The following PTK2 variants were observed in gnomAD, a reference collection of about 807,000 sequenced individuals.
PTK2 encodes focal adhesion kinase 1.
A neutral mutation model predicts 150.1 loss-of-function variants in PTK2; 45 were observed. The ratio of observed to expected loss-of-function variants is 0.30; its 90% CI spans 0.24 to 0.38. The LOEUF (loss-of-function observed/expected upper bound fraction) is 0.38, where lower values mean the gene tolerates loss of function less well. PTK2 is among the 10% of genes least tolerant of loss of function. The pLI is 1.00. For synonymous variants in PTK2, 432 were observed against 449.2 expected (o/e 0.96, Z 0.48); for missense variants, 919 against 1,307.3 (o/e 0.70, Z 4.58).
intron 2 of PTK2, among the ~76,000 whole-genome samples, chr8:140,913,715 G>T (rs571976275): frequency 6.6e-6 from 1 of 151,996 alleles, no homozygotes; most frequent in Admixed American, 6.6e-5. Context: ...TTAAATAACT[G>T]GATATACAAT....
intron 1 of PTK2, among the ~76,000 whole-genome samples, chr8:140,942,884 G>T (rs1278115862): frequency 4.6e-5 from 7 of 152,100 alleles, no homozygotes; most frequent in Admixed American, 4.6e-4. Flanking sequence ...CCTCATGAAT[G>T]GCTTAGTGCC....
At chr8:140,720,430 G>A (rs1237015111) in intron 22 of PTK2, among the ~76,000 whole-genome samples, 5 of 151,616 alleles carry the variant, frequency 3.3e-5, no homozygotes, top group South Asian at 4.1e-4. Context: ...AAAAAAAACC[G>A]GATGGGAAAA....
chr8:140,668,559 A>T, intron 29 of PTK2, 135 bp from the exon 34 acceptor site: 1 of 989,146 alleles, frequency 1.0e-6, no homozygotes, highest in Non-Finnish European at 1.5e-6. Context: ...TGTGTGCGGG[A>T]TATAGTTCAG....
chr8:140,726,643 C>T (rs943129837), intron 22 of PTK2, among the ~76,000 whole-genome samples: 3 of 152,020 alleles, frequency 2.0e-5, no homozygotes, highest in African/African-American at 7.2e-5. Flanking sequence ...CTCTGTCAAC[C>T]CAAAATTCCT....
chr8:140,912,960 A>G (rs1397670892), intron 2 of PTK2, among the ~76,000 whole-genome samples: 1 of 152,108 alleles, frequency 6.6e-6, no homozygotes, highest in African/African-American at 2.4e-5. Context: ...AAAAGAAAAA[A>G]GAAAAAGGAT....
rs375022117 is a variant in PTK2, at chr8:140,694,071, C to T, written c.2499+6820G>A. On this transcript the variant is annotated intron_variant, in intron 26 of 31. Transcript: ENST00000522684. Reference sequence around the variant, plus strand: ...TTTTTTTTTTTTTGAGATGGAGTCTCGCTCTGTCGCCCAGGCTGGAGTGCA... The same window carrying T: ...TTTTTTTTTTTTTGAGATGGAGTCTTGCTCTGTCGCCCAGGCTGGAGTGCA... 5.8e-4 allele frequency among the ~76,000 whole-genome samples: 85 copies of T among 145,600 alleles called. No individual in the cohort carries two copies. In the East Asian group the frequency reaches 0.011, roughly 19 times the overall value.
intron 26 of PTK2, among the ~76,000 whole-genome samples, chr8:140,693,564 TAAAAAAAAAAAAAAAAAAAAAAA>T (rs377205785): frequency 1.7e-4 from 12 of 72,458 alleles, no homozygotes; most frequent in African/African-American, 5.4e-4. Flanking sequence ...TTGTCTCAAT[TAAAAAAAAAAAAAAAAAAAAAAA>T]AAAAAAAAAA....
At chr8:140,977,012 AAAAT>A (rs1206994780) in intron 1 of PTK2, among the ~76,000 whole-genome samples, 2 of 152,250 alleles carry the variant, frequency 1.3e-5, no homozygotes, top group Non-Finnish European at 2.9e-5. Flanking sequence ...CAAACACTTT[AAAAT>A]AAATCATGAA....
chr8:140,796,382 G>A (rs577770127), intron 12 of PTK2, among the ~76,000 whole-genome samples: 1 of 152,230 alleles, frequency 6.6e-6, no homozygotes, highest in Admixed American at 6.5e-5. Flanking sequence ...AGTCCTGATA[G>A]TTACGTTTAT....
At chr8:140,703,870 G>A (rs1036450944) in intron 24 of PTK2, among the ~76,000 whole-genome samples, 2 of 152,172 alleles carry the variant, frequency 1.3e-5, no homozygotes, top group African/African-American at 4.8e-5. Flanking sequence ...TATGGTGGGT[G>A]TTGTCAGTTA....
intron 1 of PTK2, among the ~76,000 whole-genome samples, chr8:140,933,249 A>T (rs1269273364): frequency 1.3e-5 from 2 of 152,150 alleles, no homozygotes; most frequent in Non-Finnish European, 2.9e-5. Flanking sequence ...AGCTGGCAAT[A>T]GAAGAGCATT....
At position 140,973,261 on chromosome 8, in the gene PTK2, G is replaced by A. The variant is rs112319884; in HGVS notation, c.-122+27864C>T. On this transcript the variant is annotated intron_variant, in intron 1 of 31. Coordinates refer to ENST00000522684, the Ensembl canonical transcript of PTK2. Reference sequence around the variant, plus strand: ...TCTTTAAGCTCTTGGAAGCTCGTCCGATAAAGCTGTCTTTGTTTACCTGGG... The same window carrying A: ...TCTTTAAGCTCTTGGAAGCTCGTCCAATAAAGCTGTCTTTGTTTACCTGGG... Among the ~76,000 whole-genome samples, 22 of 152,276 alleles carry A rather than the reference G, an allele frequency of 1.4e-4. 2 individuals are homozygous for A. Among genetic ancestry groups the A allele is most frequent in the Admixed American group, 2.6e-4 (4 of 15,286 alleles).
intron 14 of PTK2, among the ~76,000 whole-genome samples, 188 bp downstream of exon 15, chr8:140,770,528 A>C (rs1566004770): frequency 6.6e-6 from 1 of 152,232 alleles, no homozygotes; most frequent in Non-Finnish European, 1.5e-5. Context: ...AGAGTAACCC[A>C]AAAACAGTGA....
chr8:140,847,705 C>A (rs1371483236), intron 5 of PTK2, among the ~76,000 whole-genome samples: 1 of 152,026 alleles, frequency 6.6e-6, no homozygotes, highest in Admixed American at 6.6e-5. Flanking sequence ...TTCATAATAC[C>A]CTGCATTTTG....
At chr8:140,959,334 T>A (rs527984442) in intron 1 of PTK2, among the ~76,000 whole-genome samples, 1 of 148,802 alleles carries the variant, frequency 6.7e-6, no homozygotes, top group African/African-American at 2.5e-5. Flanking sequence ...ATTGAGACCA[T>A]CCTGGCTAAC....
Position 140,762,357 on chromosome 8 carries a change from A to G in PTK2, c.1235-1095T>C. 8.5e-7 allele frequency: 1 copy of G among 1,174,462 alleles called. No homozygotes were observed. Among genetic ancestry groups the G allele is most frequent in the Non-Finnish European group, 1.1e-6 (1 of 936,050 alleles). 72.8% of individuals were successfully genotyped at this position (1,174,462 alleles called of 1,614,324 possible). On this transcript the variant is annotated intron_variant, in intron 15 of 31. Coordinates refer to ENST00000522684, the Ensembl canonical transcript of PTK2. ...CAAGCAAATGCAGTTAATTTAAAGG[A>G]ATCCTGTTACCTTCATCTATTCCAT...
intron 27 of PTK2, among the ~76,000 whole-genome samples, chr8:140,676,688 G>A (rs1346400172): frequency 6.7e-6 from 1 of 149,584 alleles, no homozygotes; most frequent in East Asian, 2.0e-4. Context: ...AGCACTTTGG[G>A]AGGCTGAGGC....
chr8:140,846,167 T>C, intron 7 of PTK2, 93 bp downstream of exon 7: 4 of 977,266 alleles, frequency 4.1e-6, no homozygotes, highest in South Asian at 1.8e-5. Flanking sequence ...ATTTTAGAAA[T>C]AGCAGTGTTT....
chr8:140,878,601 A>G, intron 4 of PTK2, among the ~76,000 whole-genome samples: 1 of 147,082 alleles, frequency 6.8e-6, no homozygotes, highest in African/African-American at 2.5e-5. Context: ...CTCAAAAAAG[A>G]AAAAAAAAAA....
Sources: allele counts gnomAD v4.1 joint callset (sites outside exome capture counted in the v4.1 genomes callset), GRCh38; gene constraint gnomAD v4.1.1; transcripts MANE v1.5; gene names NCBI Gene and HGNC (gene_info 2026-07-23, HGNC 2026-07-21).